The following METTL25 variants were observed in gnomAD, a reference collection of about 807,000 sequenced individuals.
METTL25 encodes the protein probable methyltransferase-like protein 25.
In METTL25, 64 loss-of-function variants were observed where a neutral mutation model predicts 71.6. That is an observed-to-expected ratio of 0.89 (90% CI 0.73 to 1.10). The LOEUF is 1.10. Ranked by LOEUF, METTL25 falls within the 50% of genes least tolerant of loss-of-function variation. The pLI, the probability that METTL25 is intolerant of heterozygous loss-of-function variation, is 0.00. For missense variants in METTL25, 807 were observed against 707.0 expected, an observed-to-expected ratio of 1.14 and a Z score of -1.60; for synonymous variants, 287 against 250.3, an observed-to-expected ratio of 1.15 and a Z score of -1.38.
intron 5 of METTL25, among the ~76,000 whole-genome samples, chr12:82,404,341 A>T (rs1456743053): frequency 1.3e-5 from 2 of 152,092 alleles, no homozygotes. Context: ...CAAGACCAAA[A>T]ATTAGGGTAA....
At chr12:82,430,818 C>T (rs749730087) in intron 5 of METTL25, 75 bp from the exon 6 acceptor site, 103 of 784,004 alleles carry the variant, frequency 1.3e-4, no homozygotes, top group Non-Finnish European at 2.0e-4. Flanking sequence ...GATTTGCTTT[C>T]TTGGTAGATT....
intron 1 of METTL25, among the ~76,000 whole-genome samples, chr12:82,368,839 A>G (rs1470422795): frequency 1.3e-5 from 2 of 152,192 alleles, no homozygotes; most frequent in Admixed American, 1.3e-4. Context: ...GGTCACCTAG[A>G]TAATAAATGA....
chr12:82,409,874 C>T (rs1490457823), intron 5 of METTL25, among the ~76,000 whole-genome samples: 1 of 152,018 alleles, frequency 6.6e-6, no homozygotes, highest in African/African-American at 2.4e-5. Flanking sequence ...TGGTGTCTTT[C>T]AATCTGGTGC....
intron 1 of METTL25, among the ~76,000 whole-genome samples, chr12:82,381,472 CAT>C (rs1491447131): frequency 6.6e-6 from 1 of 152,160 alleles, no homozygotes; most frequent in Non-Finnish European, 1.5e-5. Flanking sequence ...GTTTATATAA[CAT>C]TTTTTCACTT....
chr12:82,448,945 G>C (rs1890941184), intron 8 of METTL25, among the ~76,000 whole-genome samples: 1 of 152,102 alleles, frequency 6.6e-6, no homozygotes, highest in Non-Finnish European at 1.5e-5. Context: ...AATCTGTCCT[G>C]CATGTGTTTG....
chr12:82,391,883 C>A (rs1481781251), intron 3 of METTL25, among the ~76,000 whole-genome samples: 1 of 151,534 alleles, frequency 6.6e-6, no homozygotes, highest in Non-Finnish European at 1.5e-5. Context: ...TCTCTACATT[C>A]TTGCCAACAC....
intron 3 of METTL25, among the ~76,000 whole-genome samples, chr12:82,395,290 A>C (rs113567596): frequency 5.3e-5 from 8 of 152,128 alleles, no homozygotes; most frequent in African/African-American, 1.9e-4. Context: ...ATGAGATGAA[A>C]CCAAAGAGGT....
intron 3 of METTL25, among the ~76,000 whole-genome samples, chr12:82,393,462 G>C (rs986295657): frequency 6.6e-6 from 1 of 151,854 alleles, no homozygotes; most frequent in South Asian, 2.1e-4. Context: ...ACTAGTTTTT[G>C]TTACTGATTT....
At chr12:82,472,284 TTTTG>T (rs1199621450) in intron 9 of METTL25, among the ~76,000 whole-genome samples, 2 of 152,172 alleles carry the variant, frequency 1.3e-5, no homozygotes, top group Admixed American at 6.5e-5. Flanking sequence ...AATAACATTT[TTTTG>T]TTTTTTTCGT....
chr12:82,409,068 T>C (rs1887341567), intron 5 of METTL25, among the ~76,000 whole-genome samples: 1 of 152,128 alleles, frequency 6.6e-6, no homozygotes, highest in African/African-American at 2.4e-5. Context: ...CATTGCTACT[T>C]TTTATGATGA....
chr12:82,471,204 C>T lies in METTL25; in HGVS notation c.1573-5440C>T, dbSNP rs142236507. 6.6e-5 allele frequency among the ~76,000 whole-genome samples: 10 copies of T among 152,246 alleles called. No individual in the cohort carries two copies. In the East Asian group the frequency reaches 1.9e-3, roughly 29 times the overall value. ...TTAAATTGATGCAACATGCATAAAC[C>T]TGGGAATTTGAAATTAAAGCTCAGA... On this transcript the variant is annotated intron_variant, in intron 9 of 11. Transcript: ENST00000248306.
chr12:82,434,344 GATTT>G (rs1302013296), intron 6 of METTL25, among the ~76,000 whole-genome samples: 4 of 151,082 alleles, frequency 2.6e-5, no homozygotes, highest in African/African-American at 7.3e-5. Context: ...AATAGTGTTG[GATTT>G]ATTTGATTGT....
intron 4 of METTL25, among the ~76,000 whole-genome samples, chr12:82,402,355 AAT>A (rs1886703392): frequency 6.6e-6 from 1 of 152,136 alleles, no homozygotes; most frequent in Non-Finnish European, 1.5e-5. Context: ...TTCAAAAATT[AAT>A]ATTATGGTCA....
chr12:82,465,735 C>T (rs1179853189), intron 9 of METTL25, among the ~76,000 whole-genome samples: 1 of 151,922 alleles, frequency 6.6e-6, no homozygotes, highest in Non-Finnish European at 1.5e-5. Context: ...GATCCTGGAA[C>T]TTTCTTTGTT....
At chr12:82,374,726 T>C (rs1883643980) in intron 1 of METTL25, among the ~76,000 whole-genome samples, 1 of 152,174 alleles carries the variant, frequency 6.6e-6, no homozygotes, top group African/African-American at 2.4e-5. Context: ...AGGGTGAAGC[T>C]GGAAAATTAT....
At chr12:82,460,533 G>A (rs969859639) in intron 9 of METTL25, among the ~76,000 whole-genome samples, 2 of 152,186 alleles carry the variant, frequency 1.3e-5, no homozygotes, top group African/African-American at 2.4e-5. Context: ...GTTATAAGGT[G>A]AGGAATATGT....
chr12:82,458,483 A>G (rs916050076), intron 9 of METTL25, among the ~76,000 whole-genome samples: 2 of 152,134 alleles, frequency 1.3e-5, no homozygotes, highest in South Asian at 4.1e-4. Context: ...CAGAGTAGGA[A>G]AACCTGAACT....
intron 1 of METTL25, among the ~76,000 whole-genome samples, chr12:82,372,415 C>CT (rs1190488330): frequency 6.6e-6 from 1 of 152,024 alleles, no homozygotes; most frequent in Admixed American, 6.6e-5. Flanking sequence ...TATAGGGAGG[C>CT]TAGGATATGG....
At chr12:82,431,501 C>A (rs978081859) in intron 6 of METTL25, among the ~76,000 whole-genome samples, 9 of 151,606 alleles carry the variant, frequency 5.9e-5, no homozygotes, top group Non-Finnish European at 5.9e-5. Flanking sequence ...TAAAATACTG[C>A]AGCTATGTAG....
Sources: allele counts gnomAD v4.1 joint callset (sites outside exome capture counted in the v4.1 genomes callset), GRCh38; gene constraint gnomAD v4.1.1; transcripts MANE v1.5; gene names NCBI Gene and HGNC (gene_info 2026-07-23, HGNC 2026-07-21).